The following ANKFN1 variants were observed in gnomAD, a reference collection of about 807,000 sequenced individuals.
ANKFN1 encodes ankyrin repeat and fibronectin type III domain containing 1.
ANKFN1 carries 74 observed loss-of-function variants against 108.7 expected under a neutral mutation model. The ratio of observed to expected loss-of-function variants is 0.68; its 90% CI spans 0.56 to 0.83. The LOEUF is 0.83. ANKFN1 is among the 40% of genes least tolerant of loss of function. The pLI is 0.00. For missense variants in ANKFN1, 1,505 were observed against 1,382.3 expected, an observed-to-expected ratio of 1.09 and a Z score of -1.41; for synonymous variants, 547 against 516.2, an observed-to-expected ratio of 1.06 and a Z score of -0.81.
At chr17:56,140,609 C>G (rs1442744853) in intron 4 of ANKFN1, among the ~76,000 whole-genome samples, 1 of 152,150 alleles carries the variant, frequency 6.6e-6, no homozygotes, top group Non-Finnish European at 1.5e-5. Flanking sequence ...CCTTGGGCAA[C>G]CTACTTAAGC....
chr17:56,299,242 G>T (rs2044604361), intron 3 of ANKFN1, among the ~76,000 whole-genome samples: 1 of 152,088 alleles, frequency 6.6e-6, no homozygotes, highest in African/African-American at 2.4e-5. Flanking sequence ...AAGTGCATTT[G>T]CCTGGGTCAA....
intron 3 of ANKFN1, among the ~76,000 whole-genome samples, chr17:56,259,347 C>T (rs999456768): frequency 5.3e-5 from 8 of 152,118 alleles, no homozygotes; most frequent in African/African-American, 1.4e-4. Context: ...GTGGCTGCTA[C>T]GTTAGGACTG....
chr17:56,169,065 G>C (rs762329570), intron 1 of ANKFN1, among the ~76,000 whole-genome samples: 1 of 152,076 alleles, frequency 6.6e-6, no homozygotes, highest in Non-Finnish European at 1.5e-5. Context: ...AACAGAAAGC[G>C]GGGAAAACAA....
intron 4 of ANKFN1, among the ~76,000 whole-genome samples, chr17:56,119,059 A>G (rs1017409984): frequency 6.6e-6 from 1 of 152,128 alleles, no homozygotes; most frequent in African/African-American, 2.4e-5. Context: ...TATTTTGAAC[A>G]TGTTGATCTT....
At chr17:56,225,048 C>T (rs1220047561) in intron 2 of ANKFN1, 1 of 152,148 alleles carries the variant, frequency 6.6e-6, no homozygotes, top group African/African-American at 2.4e-5. Flanking sequence ...TTCTAGGATC[C>T]ACATAAGAAG....
At chr17:56,154,410 C>T (rs527842600) in intron 1 of ANKFN1, among the ~76,000 whole-genome samples, 1 of 152,072 alleles carries the variant, frequency 6.6e-6, no homozygotes, top group African/African-American at 2.4e-5. Context: ...TTTGAAAAAA[C>T]CAGAGATAAG....
chr17:56,352,060 AAT>A (rs1347873565), intron 5 of ANKFN1, among the ~76,000 whole-genome samples: 16 of 152,176 alleles, frequency 1.1e-4, no homozygotes, highest in Admixed American at 1.0e-3. Context: ...TTTGTTTTCT[AAT>A]ATGTTTTCGC....
chr17:56,470,657 A>C (rs184777059), intron 15 of ANKFN1, among the ~76,000 whole-genome samples: 1 of 152,302 alleles, frequency 6.6e-6, no homozygotes, highest in African/African-American at 2.4e-5. Flanking sequence ...CGGGGTTTTC[A>C]AAACAGATAG....
chr17:56,325,586 AAC>A (rs1313362562), intron 3 of ANKFN1, among the ~76,000 whole-genome samples: 1 of 152,196 alleles, frequency 6.6e-6, no homozygotes, highest in Non-Finnish European at 1.5e-5. Flanking sequence ...ACTTTCTCAG[AAC>A]CCGCTCAGAC....
chr17:56,448,419 CA>C (rs536435142), intron 10 of ANKFN1, among the ~76,000 whole-genome samples: 16 of 152,152 alleles, frequency 1.1e-4, no homozygotes, highest in Non-Finnish European at 2.1e-4. Context: ...GTGGGTATTG[CA>C]ATTTAAATTT....
chr17:56,329,469 A>G (rs1011799921), intron 4 of ANKFN1, among the ~76,000 whole-genome samples: 1 of 152,044 alleles, frequency 6.6e-6, no homozygotes, highest in Admixed American at 6.6e-5. Context: ...CTCTTATCCA[A>G]TGACCACATC....
chr17:56,238,881 C>A (rs532181470), intron 3 of ANKFN1, among the ~76,000 whole-genome samples: 75 of 152,218 alleles, frequency 4.9e-4, no homozygotes, highest in African/African-American at 1.8e-3. Flanking sequence ...CTTTAGAGAG[C>A]AGTGAGGGTA....
chr17:56,080,163 C>T (rs1194642449), intron 4 of ANKFN1, among the ~76,000 whole-genome samples: 1 of 152,178 alleles, frequency 6.6e-6, no homozygotes, highest in Non-Finnish European at 1.5e-5. Context: ...GAGACAGATA[C>T]TCTCATCTCA....
chr17:56,336,644 T>C (rs2045818356), intron 4 of ANKFN1, among the ~76,000 whole-genome samples: 1 of 152,184 alleles, frequency 6.6e-6, no homozygotes, highest in African/African-American at 2.4e-5. Flanking sequence ...GGTCTATCAA[T>C]TTTGTTGATC....
chr17:56,102,572 G>A (rs1343625119), intron 4 of ANKFN1, among the ~76,000 whole-genome samples: 1 of 151,850 alleles, frequency 6.6e-6, no homozygotes, highest in Non-Finnish European at 1.5e-5. Flanking sequence ...TCTCAAACAG[G>A]GACAAGCATT....
intron 3 of ANKFN1, among the ~76,000 whole-genome samples, chr17:56,310,189 G>C (rs1020113985): frequency 6.6e-6 from 1 of 152,170 alleles, no homozygotes; most frequent in African/African-American, 2.4e-5. Flanking sequence ...ACCCAAAATG[G>C]TGTACAATTT....
At chr17:56,282,348 T>C (rs1372530238) in intron 3 of ANKFN1, among the ~76,000 whole-genome samples, 1 of 151,910 alleles carries the variant, frequency 6.6e-6, no homozygotes, top group Admixed American at 6.6e-5. Flanking sequence ...AGACTAGACC[T>C]CTCTGGGGTG....
chr17:56,223,483 C>T (rs922008514), intron 2 of ANKFN1, among the ~76,000 whole-genome samples: 18 of 152,226 alleles, frequency 1.2e-4, no homozygotes, highest in African/African-American at 3.9e-4. Flanking sequence ...GAATGGTTCA[C>T]CAAGGCCTCA....
chr17:56,225,292 G>T (rs1916181113), intron 2 of ANKFN1, among the ~76,000 whole-genome samples: 1 of 152,076 alleles, frequency 6.6e-6, no homozygotes, highest in African/African-American at 2.4e-5. Flanking sequence ...GGAATTAACT[G>T]CTCAGTACAT....
Sources: allele counts gnomAD v4.1 joint callset (sites outside exome capture counted in the v4.1 genomes callset), GRCh38; gene constraint gnomAD v4.1.1; transcripts MANE v1.5; gene names NCBI Gene and HGNC (gene_info 2026-07-23, HGNC 2026-07-21).